The following PIK3R6 variants were observed in gnomAD, a reference collection of about 807,000 sequenced individuals.
PIK3R6 encodes phosphoinositide 3-kinase regulatory subunit 6.
In PIK3R6, 91 loss-of-function variants were observed where a neutral mutation model predicts 84.9. The ratio of observed to expected loss-of-function variants is 1.07; its 90% CI spans 0.90 to 1.28. The LOEUF (loss-of-function observed/expected upper bound fraction) is 1.28, where lower values mean the gene tolerates loss of function less well. PIK3R6 is among the 50% of genes most tolerant of loss of function. PIK3R6 has a pLI of 0.00. For missense variants in PIK3R6, 996 were observed against 985.1 expected, an observed-to-expected ratio of 1.01 and a Z score of -0.15; for synonymous variants, 416 against 411.4, an observed-to-expected ratio of 1.01 and a Z score of -0.13.
chr17:8,841,251 C>G (rs1301273311), intron 2 of PIK3R6, among the ~76,000 whole-genome samples: 1 of 152,104 alleles, frequency 6.6e-6, no homozygotes, highest in East Asian at 1.9e-4. Flanking sequence ...AACAAAGACT[C>G]TCTCCTTGAC....
At position 8,828,708 on chromosome 17, in the gene PIK3R6, G is replaced by A; in HGVS notation, c.1172C>T (p.Pro391Leu). The A allele has an allele frequency of 1.2e-6, 2 of 1,610,202 alleles. No homozygotes were observed. The highest frequency in any genetic ancestry group is 8.5e-7 in the Non-Finnish European group (1 of 1,178,436). The change falls in exon 11 of 20, where the codon CCA becomes CTA. Residue 391 changes from proline to leucine, a missense_variant. Pro to Leu is a moderately conservative substitution (Grantham distance 98). Transcript: ENST00000619866. ...FLMPGSWDGP[P>L]GLHRRTGRPS... ...CCGGCCTGTCCTCCGGTGCAGCCCTGGGGGCCCGTCCCAGCTGCCAGGCAT... is the reference window on the plus strand; with the variant it reads ...CCGGCCTGTCCTCCGGTGCAGCCCTAGGGGCCCGTCCCAGCTGCCAGGCAT...
In PIK3R6 at chr17:8,844,889, G is replaced by A. The variant is rs2088780409; in HGVS notation, c.13+4893C>T. On this transcript the variant is annotated intron_variant, in intron 2 of 19. Coordinates refer to ENST00000619866, the MANE Select transcript of PIK3R6 (RefSeq NM_001010855.4). The surrounding 1 kb of genome is among the most constrained non-coding windows in gnomAD (Gnocchi z 4.5). ...ATCTTTGTGTCCATGAGTACCCAAA[G>A]TTTAGCTCCCACCTATAAGTGAGAA... Among the ~76,000 whole-genome samples the A allele has an allele frequency of 6.6e-6, 1 of 152,036 alleles. No individual in the cohort carries two copies. Among genetic ancestry groups the A allele is most frequent in the Non-Finnish European group, 1.5e-5 (1 of 68,016 alleles).
chr17:8,821,805 T>A, intron 17 of PIK3R6, 41 bp downstream of exon 17: 1 of 1,539,982 alleles, frequency 6.5e-7, no homozygotes, highest in Non-Finnish European at 8.8e-7. Flanking sequence ...GCCCTTCTCA[T>A]CTCTTCTCTC....
At chr17:8,815,271 G>A (rs902585673) in intron 18 of PIK3R6, among the ~76,000 whole-genome samples, 1 of 152,134 alleles carries the variant, frequency 6.6e-6, no homozygotes, top group South Asian at 2.1e-4. Context: ...ACTTTGGGAG[G>A]CCAAGGCAGG....
chr17:8,836,416 T>G, intron 7 of PIK3R6, 131 bp downstream of exon 7: 1 of 943,820 alleles, frequency 1.1e-6, no homozygotes, highest in Non-Finnish European at 1.6e-6. Context: ...TGGACAAATA[T>G]CATGGCTGGG....
intron 16 of PIK3R6, 117 bp from the exon 17 acceptor site, chr17:8,822,053 T>TTA: frequency 1.1e-5 from 1 of 89,180 alleles, no homozygotes; most frequent in Non-Finnish European, 2.1e-5. Flanking sequence ...TGTGAGAGTC[T>TTA]TTTTTTTTTT....
chr17:8,837,841 T>A lies in PIK3R6; in HGVS notation c.220A>T (p.Ile74Phe). 1 of 1,613,960 alleles carries A rather than the reference T, an allele frequency of 6.2e-7. No individual in the cohort carries two copies. Among genetic ancestry groups the A allele is most frequent in the Non-Finnish European group, 8.5e-7 (1 of 1,179,848 alleles). The part of the protein sequence containing the change: ...AESQDLRHVI[I>F]PLLHTVMYVL... ...TACATTACAGTGTGCAGCAAGGGAA[T>A]GATGACATGCCGGAGGTCCTGGCTT... Residue 74 changes from isoleucine to phenylalanine, a missense_variant, in exon 5 of 20, where the codon ATT becomes TTT. Transcript: ENST00000619866.
intron 2 of PIK3R6, among the ~76,000 whole-genome samples, chr17:8,849,137 G>T (rs1175135781): frequency 6.6e-6 from 1 of 152,150 alleles, no homozygotes; most frequent in Non-Finnish European, 1.5e-5. Context: ...CCACTTACTA[G>T]CTGTGTGGCT....
chr17:8,847,588 G>T (rs1331492240), intron 2 of PIK3R6, among the ~76,000 whole-genome samples: 1 of 152,106 alleles, frequency 6.6e-6, no homozygotes, highest in Non-Finnish European at 1.5e-5. Flanking sequence ...ATCACCTGAG[G>T]TCAGGAGTTC....
chr17:8,837,965 G>T, intron 4 of PIK3R6, 94 bp from the exon 5 acceptor site: 1 of 1,092,474 alleles, frequency 9.2e-7, no homozygotes, highest in Non-Finnish European at 1.4e-6. Context: ...GCAGGAGATG[G>T]GGTGGAAGGC....
intron 18 of PIK3R6, among the ~76,000 whole-genome samples, chr17:8,806,183 G>A (rs1324285899): frequency 6.6e-6 from 1 of 152,252 alleles, no homozygotes; most frequent in Non-Finnish European, 1.5e-5. Flanking sequence ...ATAATGAATG[G>A]AATTGCACCT....
At chr17:8,841,004 G>A (rs1045921781) in intron 2 of PIK3R6, among the ~76,000 whole-genome samples, 1 of 151,880 alleles carries the variant, frequency 6.6e-6, no homozygotes, top group South Asian at 2.1e-4. Flanking sequence ...TGCCCGCCTC[G>A]GCCTTCCAAA....
intron 9 of PIK3R6, among the ~76,000 whole-genome samples, chr17:8,831,295 A>C (rs1337379003): frequency 7.5e-6 from 1 of 133,120 alleles, no homozygotes; most frequent in Non-Finnish European, 1.5e-5. Context: ...GAGCCACTGC[A>C]CTCCAGCCTG....
intron 18 of PIK3R6, among the ~76,000 whole-genome samples, chr17:8,804,833 C>T (rs988167841): frequency 6.6e-6 from 1 of 152,214 alleles, no homozygotes; most frequent in Non-Finnish European, 1.5e-5. Flanking sequence ...TTGCCAGAGG[C>T]CTCAGAGACC....
At chr17:8,832,123 T>C (rs2088261927) in intron 9 of PIK3R6, among the ~76,000 whole-genome samples, 1 of 152,232 alleles carries the variant, frequency 6.6e-6, no homozygotes, top group Admixed American at 6.5e-5. Context: ...AGCCTGGATT[T>C]GTATCTTGGC....
At chr17:8,834,353 T>C (rs1445064150) in intron 8 of PIK3R6, among the ~76,000 whole-genome samples, 6 of 151,214 alleles carry the variant, frequency 4.0e-5, no homozygotes, top group African/African-American at 1.2e-4. Context: ...AGAGAGGAAA[T>C]GAAGAGAGAT....
intron 18 of PIK3R6, among the ~76,000 whole-genome samples, chr17:8,811,884 C>T (rs2087368158): frequency 1.3e-5 from 2 of 148,288 alleles, no homozygotes; most frequent in Admixed American, 6.9e-5. Flanking sequence ...AAGTTGCTTC[C>T]ACATTTTCAG....
At chr17:8,845,874 T>G (rs2088804122) in intron 2 of PIK3R6, among the ~76,000 whole-genome samples, 1 of 152,078 alleles carries the variant, frequency 6.6e-6, no homozygotes, top group African/African-American at 2.4e-5. Flanking sequence ...GGGGTGGAGA[T>G]TGCAGTGAGC....
Position 8,839,779 on chromosome 17 carries a change from T to G in PIK3R6, c.14-82A>C. 8.1e-7 allele frequency: 1 copy of G among 1,233,356 alleles called. No individual in the cohort carries two copies. The highest frequency in any genetic ancestry group is 1.1e-6 in the Non-Finnish European group (1 of 885,834). 76.4% of individuals were successfully genotyped at this position (1,233,356 alleles called of 1,614,324 possible). On this transcript the variant is annotated intron_variant, in intron 2 of 19. Transcript: ENST00000619866. This position sits in a 1 kb window ranked among gnomAD's most constrained non-coding sequence, Gnocchi z 4.2. ...ACCTCCATTCCTTCCGAGAGTGTCT[T>G]TAGCCATTTCTCTGAGCCTCAGGAG... is the stretch of plus-strand genomic sequence containing the variant.
Sources: allele counts gnomAD v4.1 joint callset (sites outside exome capture counted in the v4.1 genomes callset), GRCh38; gene constraint gnomAD v4.1.1; non-coding constraint Gnocchi (gnomAD v3.1); transcripts MANE v1.5; gene names NCBI Gene and HGNC (gene_info 2026-07-23, HGNC 2026-07-21).